Variants in STRN3 observed in about 807,000 individuals in gnomAD.
STRN3 encodes the protein striatin-3.
Under a neutral mutation model 95.6 loss-of-function variants are expected in STRN3, and 29 were observed. The ratio of observed to expected loss-of-function variants is 0.30; its 90% CI spans 0.23 to 0.41. The LOEUF (loss-of-function observed/expected upper bound fraction) is 0.41. Among genes scored for constraint, STRN3 ranks in the 10% least tolerant of loss-of-function variants. The pLI, the probability that STRN3 is intolerant of heterozygous loss-of-function variation, is 1.00. For synonymous variants in STRN3, 331 were observed against 357.6 expected (o/e 0.93, Z 0.84); for missense variants, 890 against 972.1 (o/e 0.92, Z 1.12).
At chr14:30,943,705 A>G (rs926312499) in intron 5 of STRN3, among the ~76,000 whole-genome samples, 46 of 152,232 alleles carry the variant, frequency 3.0e-4, no homozygotes, top group African/African-American at 1.0e-3. Context: ...TTGGTTATGA[A>G]AAGAAGGAAA....
At chr14:31,021,633 CAT>C (rs1243951514) in intron 1 of STRN3, among the ~76,000 whole-genome samples, 1 of 152,078 alleles carries the variant, frequency 6.6e-6, no homozygotes. Context: ...AGAAAGAAAA[CAT>C]ATGAAGAAAA....
At chr14:30,915,644 T>A (rs1373033235) in intron 9 of STRN3, among the ~76,000 whole-genome samples, 1 of 152,196 alleles carries the variant, frequency 6.6e-6, no homozygotes, top group South Asian at 2.1e-4. Context: ...TATATAATAT[T>A]TACTCAAAGC....
chr14:31,020,993 C>T (rs1351845088), intron 1 of STRN3, among the ~76,000 whole-genome samples: 1 of 152,038 alleles, frequency 6.6e-6, no homozygotes, highest in South Asian at 2.1e-4. Flanking sequence ...GGATCTAGCA[C>T]AAAATCGCAC....
chr14:31,001,477 AATGAGCT>A (rs1882446997), intron 1 of STRN3, among the ~76,000 whole-genome samples: 1 of 151,998 alleles, frequency 6.6e-6, no homozygotes, highest in Admixed American at 6.6e-5. Flanking sequence ...TCAAGGTTGT[AATGAGCT>A]ATGATCCTGC....
chr14:30,917,091 G>C (rs777168998), intron 9 of STRN3, among the ~76,000 whole-genome samples: 1 of 152,046 alleles, frequency 6.6e-6, no homozygotes, highest in Non-Finnish European at 1.5e-5. Context: ...AGGAAGTTGG[G>C]GACTGCCACT....
intron 7 of STRN3, among the ~76,000 whole-genome samples, chr14:30,934,542 G>GT (rs529314754): frequency 6.6e-6 from 1 of 152,006 alleles, no homozygotes; most frequent in Non-Finnish European, 1.5e-5. Flanking sequence ...ATAGAGAATG[G>GT]TTTTCTCTTA....
chr14:30,919,209 C>T (rs549027335), intron 8 of STRN3, 103 bp from the exon 9 acceptor site: 2 of 1,195,008 alleles, frequency 1.7e-6, no homozygotes, highest in Non-Finnish European at 2.2e-6. Context: ...ATTAAGAAGT[C>T]CCAGTTATTA....
intron 5 of STRN3, among the ~76,000 whole-genome samples, chr14:30,946,175 A>C (rs1879349380): frequency 6.6e-6 from 1 of 152,230 alleles, no homozygotes; most frequent in African/African-American, 2.4e-5. Flanking sequence ...GGATGTTAAA[A>C]TAGCTCTGAA....
chr14:30,899,209 C>T (rs1896238860), intron 16 of STRN3, among the ~76,000 whole-genome samples: 1 of 152,148 alleles, frequency 6.6e-6, no homozygotes, highest in African/African-American at 2.4e-5. Context: ...ATCTTCCTCC[C>T]ACTCCTCCAC....
chr14:31,009,336 C>T (rs1292071974), intron 1 of STRN3, among the ~76,000 whole-genome samples: 3 of 152,188 alleles, frequency 2.0e-5, no homozygotes, highest in Admixed American at 2.0e-4. Context: ...TTATTTGGGA[C>T]ATGGAGGGCT....
Position 30,923,757 on chromosome 14 carries a change from A to G in STRN3, c.1100-4651T>C, listed in dbSNP as rs537074602. Among the ~76,000 whole-genome samples, 298 of 152,334 alleles carry G rather than the reference A, an allele frequency of 2.0e-3. 1 individual carries two copies. Among genetic ancestry groups the G allele is most frequent in the Non-Finnish European group, 3.1e-3 (213 of 68,014 alleles). On this transcript the variant is annotated intron_variant, in intron 8 of 17. Transcript: ENST00000357479. ...AACAGCTCCTATCAAAGGAAAATAC[A>G]TTATTATAATCCACAGTTTAAATTG... is the stretch of plus-strand genomic sequence containing the variant.
Position 30,894,925 on chromosome 14 carries a change from A to G in STRN3, c.*486T>C. On this transcript the variant is annotated 3_prime_UTR_variant, in exon 18 of 18. Coordinates refer to ENST00000357479, the MANE Select transcript of STRN3 (RefSeq NM_001083893.2). The stretch of plus-strand genomic sequence containing the variant: ...TTTTTTTTTAAAGCAAAATAAGTTT[A>G]AAAGGGAATCTGTGGCATTCAACCG... 9.0e-7 allele frequency: 1 copy of G among 1,108,306 alleles called. No individual in the cohort carries two copies. The highest frequency in any genetic ancestry group is 1.7e-5 in the African/African-American group (1 of 58,194). 68.7% of individuals were successfully genotyped at this position (1,108,306 alleles called of 1,614,324 possible). A position where few individuals can be genotyped will look rare whatever the true frequency, so the allele number is the denominator to read the frequency against.
intron 1 of STRN3, among the ~76,000 whole-genome samples, chr14:31,022,284 G>A (rs1883540618): frequency 6.6e-6 from 1 of 151,742 alleles, no homozygotes; most frequent in Non-Finnish European, 1.5e-5. Flanking sequence ...GGAGGCTGAG[G>A]CAGGAGAATG....
At chr14:30,913,119 A>G (rs1402357021) in intron 10 of STRN3, among the ~76,000 whole-genome samples, 1 of 152,210 alleles carries the variant, frequency 6.6e-6, no homozygotes, top group Non-Finnish European at 1.5e-5. Flanking sequence ...AAATGTTCAG[A>G]AACTTTAAAA....
chr14:30,933,003 G>A (rs954736666), intron 7 of STRN3, among the ~76,000 whole-genome samples: 7 of 152,036 alleles, frequency 4.6e-5, no homozygotes, highest in African/African-American at 1.4e-4. Flanking sequence ...GACTGGGCAT[G>A]GTGGCTCATG....
intron 1 of STRN3, among the ~76,000 whole-genome samples, chr14:30,981,278 C>T (rs1881385520): frequency 6.6e-6 from 1 of 152,028 alleles, no homozygotes; most frequent in Non-Finnish European, 1.5e-5. Flanking sequence ...TGCACCACTG[C>T]ACTCCAGCCT....
chr14:30,917,145 G>C (rs1485989811), intron 9 of STRN3, among the ~76,000 whole-genome samples: 1 of 152,200 alleles, frequency 6.6e-6, no homozygotes, highest in Non-Finnish European at 1.5e-5. Flanking sequence ...TTCTTAGCTT[G>C]AAGTCAAACT....
At chr14:30,983,265 G>A (rs1374247644) in intron 1 of STRN3, among the ~76,000 whole-genome samples, 1 of 152,264 alleles carries the variant, frequency 6.6e-6, no homozygotes, top group African/African-American at 2.4e-5. Flanking sequence ...AAGGCAGGCC[G>A]GGTGCAGTGG....
intron 1 of STRN3, among the ~76,000 whole-genome samples, chr14:30,966,113 T>C (rs1049931918): frequency 6.6e-6 from 1 of 152,164 alleles, no homozygotes; most frequent in Non-Finnish European, 1.5e-5. Flanking sequence ...CATTCTCTTT[T>C]AATTAGCCAA....
Sources: gnomAD v4.1 joint callset for allele counts (sites outside exome capture counted in the v4.1 genomes callset) on GRCh38, gnomAD v4.1.1 for gene constraint, MANE v1.5 for transcripts, NCBI Gene and HGNC (gene_info 2026-07-23, HGNC 2026-07-21) for gene names.